The following GPR15LG variants were observed in gnomAD, a reference collection of about 807,000 sequenced individuals.
The protein encoded by GPR15LG is protein GPR15LG.
the GPR15LG span, among the ~76,000 whole-genome samples, chr10:84,174,162 T>A: frequency 6.6e-6 from 1 of 152,204 alleles, no homozygotes; most frequent in Non-Finnish European, 1.5e-5. Context: ...CTAAGTAAAG[T>A]GGTGTGTTCG....
the GPR15LG span, among the ~76,000 whole-genome samples, chr10:84,181,237 T>TA: frequency 9.2e-4 from 106 of 115,030 alleles, 1 homozygote; most frequent in Non-Finnish European, 1.4e-4. Context: ...TTTAAAAAAT[T>TA]AAATTTTTTT....
the GPR15LG span, among the ~76,000 whole-genome samples, chr10:84,181,240 ATTT>A: frequency 1.7e-5 from 2 of 117,950 alleles, no homozygotes; most frequent in African/African-American, 3.3e-5. Flanking sequence ...AAAAAATTAA[ATTT>A]TTTTTTTTTT....
chr10:84,175,781 C>G, the GPR15LG span, among the ~76,000 whole-genome samples: 1 of 152,250 alleles, frequency 6.6e-6, no homozygotes, highest in Non-Finnish European at 1.5e-5. Flanking sequence ...GCTAGGATCA[C>G]AGGCATGAGC....
the GPR15LG span, among the ~76,000 whole-genome samples, chr10:84,174,826 AT>A: frequency 6.6e-6 from 1 of 151,626 alleles, no homozygotes; most frequent in Non-Finnish European, 1.5e-5. Flanking sequence ...GTTTCAATCC[AT>A]TTTTCTCTTG....
At chr10:84,176,254 A>G in the GPR15LG span, among the ~76,000 whole-genome samples, 4 of 152,172 alleles carry the variant, frequency 2.6e-5, no homozygotes, top group African/African-American at 9.7e-5. Context: ...TACTTATTGG[A>G]CAGGAATCTG....
At chr10:84,181,730 AG>A in the GPR15LG span, among the ~76,000 whole-genome samples, 2 of 152,208 alleles carry the variant, frequency 1.3e-5, no homozygotes, top group Non-Finnish European at 2.9e-5. Context: ...CATCTGGCCC[AG>A]TTCTTTTAAA....
chr10:84,182,427 T>C, the GPR15LG span, among the ~76,000 whole-genome samples: 1 of 152,250 alleles, frequency 6.6e-6, no homozygotes, highest in Non-Finnish European at 1.5e-5. Flanking sequence ...TAGTCTTGGC[T>C]GGACTCATTC....
the GPR15LG span, among the ~76,000 whole-genome samples, chr10:84,180,758 C>T: frequency 3.3e-5 from 5 of 152,290 alleles, no homozygotes; most frequent in Middle Eastern, 3.4e-3. Flanking sequence ...GAGGTTGTAG[C>T]GAGCTGAGAT....
chr10:84,179,639 T>G, the GPR15LG span, among the ~76,000 whole-genome samples: 1 of 152,208 alleles, frequency 6.6e-6, no homozygotes, highest in Middle Eastern at 3.2e-3. Flanking sequence ...CTAGAGGGTG[T>G]TCCTGAGCCA....
the GPR15LG span, among the ~76,000 whole-genome samples, chr10:84,175,699 TC>T: frequency 6.6e-6 from 1 of 152,106 alleles, no homozygotes; most frequent in African/African-American, 2.4e-5. Flanking sequence ...AGAGACGAGG[TC>T]TCTCTAAGTT....
chr10:84,185,078 C>A, the GPR15LG span: 1 of 1,194,828 alleles, frequency 8.4e-7, no homozygotes, highest in Non-Finnish European at 1.0e-6. Flanking sequence ...CAGAGACCAT[C>A]AATCCTGCTA....
the GPR15LG span, chr10:84,184,594 G>T: frequency 7.7e-7 from 1 of 1,296,922 alleles, no homozygotes; most frequent in South Asian, 1.2e-5. Context: ...CAACTTAATT[G>T]TGTTTTCCTC....
chr10:84,184,955 T>G, the GPR15LG span: 2 of 1,441,402 alleles, frequency 1.4e-6, no homozygotes, highest in Non-Finnish European at 1.8e-6. Flanking sequence ...TGCCATCAAC[T>G]TTCAGAGCTA....
the GPR15LG span, among the ~76,000 whole-genome samples, chr10:84,177,438 C>T: frequency 6.6e-6 from 1 of 152,210 alleles, no homozygotes; most frequent in South Asian, 2.1e-4. Flanking sequence ...CTCTGCAGCC[C>T]CAGTGCCCAC....
the GPR15LG span, among the ~76,000 whole-genome samples, chr10:84,178,326 C>T: frequency 0.021 from 3,126 of 151,978 alleles, 57 homozygotes; most frequent in Middle Eastern, 0.041. Flanking sequence ...ATACACACTA[C>T]ACACAATCAT....
the GPR15LG span, among the ~76,000 whole-genome samples, chr10:84,180,957 G>A: frequency 3.3e-5 from 5 of 152,220 alleles, no homozygotes; most frequent in Admixed American, 6.5e-5. Flanking sequence ...GTGGCAGCAC[G>A]CGCCTGCAAT....
the GPR15LG span, among the ~76,000 whole-genome samples, chr10:84,176,872 T>C: frequency 1.3e-5 from 2 of 152,174 alleles, no homozygotes; most frequent in African/African-American, 2.4e-5. Flanking sequence ...GGCTCATTTA[T>C]GAGCCAGGAG....
the GPR15LG span, among the ~76,000 whole-genome samples, chr10:84,177,233 C>T: frequency 2.0e-5 from 3 of 152,318 alleles, no homozygotes; most frequent in African/African-American, 7.2e-5. Context: ...GCGGACAGGC[C>T]CAAGCTCAGG....
At chr10:84,181,827 G>A in the GPR15LG span, among the ~76,000 whole-genome samples, 14 of 152,200 alleles carry the variant, frequency 9.2e-5, no homozygotes, top group Admixed American at 5.9e-4. Flanking sequence ...GCTTAAGCTG[G>A]GGTCAGACTG....
Sources: gnomAD v4.1 joint callset for allele counts (sites outside exome capture counted in the v4.1 genomes callset) on GRCh38, gnomAD v4.1.1 for gene constraint, MANE v1.5 for transcripts, NCBI Gene and HGNC (gene_info 2026-07-23, HGNC 2026-07-21) for gene names.